Variants in MNAT1 observed in about 807,000 individuals in gnomAD.
The protein encoded by MNAT1 is CDK-activating kinase assembly factor MAT1.
Under a neutral mutation model 42.0 loss-of-function variants are expected in MNAT1, and 43 were observed. The observed-to-expected ratio is 1.02, with a 90% confidence interval of 0.80 to 1.32. The LOEUF is 1.32. Among genes scored for constraint, MNAT1 ranks in the 40% most tolerant of loss-of-function variants. The pLI is 0.00. For missense variants in MNAT1, 306 were observed against 350.4 expected, an observed-to-expected ratio of 0.87 and a Z score of 1.01; for synonymous variants, 118 against 120.0, an observed-to-expected ratio of 0.98 and a Z score of 0.11.
chr14:60,858,909 C>A (rs1056221566), intron 6 of MNAT1, among the ~76,000 whole-genome samples: 1 of 152,140 alleles, frequency 6.6e-6, no homozygotes, highest in African/African-American at 2.4e-5. Context: ...ATAAACATAG[C>A]TTTTACATGC....
chr14:60,784,535 C>T (rs1247604367), intron 1 of MNAT1, among the ~76,000 whole-genome samples: 1 of 151,986 alleles, frequency 6.6e-6, no homozygotes, highest in Non-Finnish European at 1.5e-5. Flanking sequence ...GGCTGGAGTG[C>T]AGTGGTGTGA....
At chr14:60,781,737 G>T (rs1321779897) in intron 1 of MNAT1, among the ~76,000 whole-genome samples, 1 of 151,882 alleles carries the variant, frequency 6.6e-6, no homozygotes, top group Non-Finnish European at 1.5e-5. Flanking sequence ...TTTTCTCTTT[G>T]ATCTTTAGTC....
chr14:60,764,637 G>C (rs902922959), intron 1 of MNAT1, among the ~76,000 whole-genome samples: 2 of 152,112 alleles, frequency 1.3e-5, no homozygotes, highest in African/African-American at 4.8e-5. Context: ...AAGAAGAAGC[G>C]GTCTAAGATA....
At chr14:60,868,787 A>G (rs2034259372) in intron 6 of MNAT1, among the ~76,000 whole-genome samples, 4 of 152,078 alleles carry the variant, frequency 2.6e-5, no homozygotes, top group Admixed American at 2.6e-4. Context: ...CTAGGATGAA[A>G]AGCATCCATT....
rs1323679098 is a variant in MNAT1 at position 60,960,233 on chromosome 14, T to A, written c.810-7996T>A. 2.6e-5 allele frequency among the ~76,000 whole-genome samples: 4 copies of A among 152,258 alleles called. No individual in the cohort carries two copies. In the East Asian group the frequency reaches 7.7e-4, roughly 29 times the overall value. On this transcript the variant is annotated intron_variant, in intron 7 of 7. Coordinates refer to ENST00000261245, the MANE Select transcript of MNAT1 (RefSeq NM_002431.4). The stretch of plus-strand genomic sequence containing the variant: ...ACACCTCCCTTGTGTCTACATTTTT[T>A]GCAACTCTAGAAAGGAGGGGAAGAG...
intron 7 of MNAT1, among the ~76,000 whole-genome samples, chr14:60,910,833 C>T (rs150576310): frequency 1.9e-3 from 288 of 152,264 alleles, no homozygotes; most frequent in African/African-American, 6.8e-3. Flanking sequence ...ATGATGCTGG[C>T]CTCATACAAT....
chr14:60,928,985 A>G (rs1293964857), intron 7 of MNAT1, among the ~76,000 whole-genome samples: 1 of 150,576 alleles, frequency 6.6e-6, no homozygotes, highest in Non-Finnish European at 1.5e-5. Context: ...CGTCTCTACT[A>G]AAAATACAAA....
chr14:60,787,876 T>C (rs2031699808), intron 1 of MNAT1, among the ~76,000 whole-genome samples: 1 of 152,174 alleles, frequency 6.6e-6, no homozygotes, highest in Non-Finnish European at 1.5e-5. Flanking sequence ...TCTGCAGTTA[T>C]TTTCTCCACT....
At chr14:60,769,070 G>A (rs2030949293) in intron 1 of MNAT1, among the ~76,000 whole-genome samples, 1 of 151,748 alleles carries the variant, frequency 6.6e-6, no homozygotes, top group African/African-American at 2.4e-5. Context: ...TGAGAAATAG[G>A]GTATTACTGG....
chr14:60,922,777 A>C (rs1428550782), intron 7 of MNAT1, among the ~76,000 whole-genome samples: 1 of 152,220 alleles, frequency 6.6e-6, no homozygotes, highest in Non-Finnish European at 1.5e-5. Flanking sequence ...CAAGGCCACA[A>C]GTTCAACGTA....
chr14:60,797,622 G>A (rs1473650756), intron 2 of MNAT1, among the ~76,000 whole-genome samples: 1 of 152,032 alleles, frequency 6.6e-6, no homozygotes, highest in Non-Finnish European at 1.5e-5. Flanking sequence ...TTACAAACCT[G>A]GTGTCAAGAA....
At chr14:60,917,435 C>T (rs1295799373) in intron 7 of MNAT1, among the ~76,000 whole-genome samples, 1 of 152,076 alleles carries the variant, frequency 6.6e-6, no homozygotes, top group African/African-American at 2.4e-5. Flanking sequence ...AAATATAGCG[C>T]AATCAAATTT....
chr14:60,939,170 T>G (rs1056848883), intron 7 of MNAT1, among the ~76,000 whole-genome samples: 2 of 152,212 alleles, frequency 1.3e-5, no homozygotes, highest in African/African-American at 4.8e-5. Context: ...TTGTTGATCT[T>G]TTCAAAAAAC....
intron 5 of MNAT1, among the ~76,000 whole-genome samples, chr14:60,815,526 T>A (rs2032686409): frequency 6.6e-6 from 1 of 152,220 alleles, no homozygotes; most frequent in African/African-American, 2.4e-5. Flanking sequence ...CATATTCTTT[T>A]AGTCTTTAAA....
intron 1 of MNAT1, among the ~76,000 whole-genome samples, chr14:60,744,065 T>C (rs915560581): frequency 1.3e-5 from 2 of 152,234 alleles, no homozygotes; most frequent in Non-Finnish European, 2.9e-5. Flanking sequence ...CTTTAAAATA[T>C]TTATGATAGT....
intron 1 of MNAT1, among the ~76,000 whole-genome samples, chr14:60,735,385 G>C (rs763857150): frequency 6.6e-6 from 1 of 152,166 alleles, no homozygotes; most frequent in Non-Finnish European, 1.5e-5. Flanking sequence ...TATTGTATGA[G>C]TTAATTAAAA....
chr14:60,921,603 C>T (rs2035661249), intron 7 of MNAT1, among the ~76,000 whole-genome samples: 1 of 152,112 alleles, frequency 6.6e-6, no homozygotes, highest in Non-Finnish European at 1.5e-5. Flanking sequence ...CCAAACAGTT[C>T]AGCAGATGAA....
At chr14:60,820,326 C>G (rs1256239879) in intron 6 of MNAT1, among the ~76,000 whole-genome samples, 1 of 152,006 alleles carries the variant, frequency 6.6e-6, no homozygotes, top group East Asian at 1.9e-4. Context: ...AGATAATACT[C>G]TAATTTTAAG....
At chr14:60,927,660 T>G (rs549899824) in intron 7 of MNAT1, among the ~76,000 whole-genome samples, 44 of 152,312 alleles carry the variant, frequency 2.9e-4, no homozygotes, top group Non-Finnish European at 5.1e-4. Flanking sequence ...CTAGGGGCTT[T>G]GAACCACGTA....
Sources: allele counts gnomAD v4.1 joint callset (sites outside exome capture counted in the v4.1 genomes callset), GRCh38; gene constraint gnomAD v4.1.1; transcripts MANE v1.5; gene names NCBI Gene and HGNC (gene_info 2026-07-23, HGNC 2026-07-21).